Variants in USP54 observed in about 807,000 individuals in gnomAD.
The protein encoded by USP54 is ubiquitin carboxyl-terminal hydrolase 54.
Under a neutral mutation model 170.5 loss-of-function variants are expected in USP54, and 87 were observed. That is an observed-to-expected ratio of 0.51 (90% CI 0.43 to 0.61). USP54 has a LOEUF of 0.61. Ranked by LOEUF, USP54 falls within the 20% of genes least tolerant of loss-of-function variation. The pLI is 0.00. For synonymous variants in USP54, 655 were observed against 742.8 expected (o/e 0.88, Z 1.92); for missense variants, 1,786 against 2,047.8 (o/e 0.87, Z 2.47).
At chr10:73,539,315 T>C (rs1564750827) in intron 10 of USP54, 129 bp downstream of exon 10, 1 of 315,818 alleles carries the variant, frequency 3.2e-6, no homozygotes, top group Non-Finnish European at 4.7e-6. Flanking sequence ...AAAATATATA[T>C]ATATATATGT....
Position 73,516,638 on chromosome 10 carries a change from C to T in USP54, c.3788G>A (p.Trp1263Ter), listed in dbSNP as rs1380162613. 8.1e-6 allele frequency: 13 copies of T among 1,614,082 alleles called. No homozygotes were observed. Among genetic ancestry groups the T allele is most frequent in the Non-Finnish European group, 1.0e-5 (12 of 1,180,048 alleles). Residue 1263 changes from tryptophan to a stop codon, truncating the protein, a stop_gained, in exon 20 of 24, where the codon TGG becomes TAG. Coordinates refer to ENST00000687698, the MANE Select transcript of USP54 (RefSeq NM_001391956.1). LOFTEE classifies it high-confidence loss of function. ...ATCACAGAACCTTGTGATATTCACC[C>T]AGGAATCCAAAGGCAAGGAAGTCCC... ...DLGTSLPLDS[W>*]VNITRFCDSQ... is the part of the protein sequence containing the mutation.
chr10:73,624,173 TATATATA>T (rs1564974620), intron 1 of USP54, among the ~76,000 whole-genome samples: 2 of 112,682 alleles, frequency 1.8e-5, no homozygotes, highest in Non-Finnish European at 3.9e-5. Context: ...TATATATATA[TATATATA>T]TATATATATA....
intron 20 of USP54, among the ~76,000 whole-genome samples, chr10:73,512,483 T>C (rs185213328): frequency 6.6e-6 from 1 of 152,154 alleles, no homozygotes; most frequent in East Asian, 1.9e-4. Flanking sequence ...CCAAGGACTC[T>C]AACAAAAATA....
chr10:73,586,604 A>G (rs181524977), intron 1 of USP54, among the ~76,000 whole-genome samples: 3 of 152,356 alleles, frequency 2.0e-5, no homozygotes, highest in African/African-American at 7.2e-5. Context: ...ACCAATTCTA[A>G]CATCCTGATA....
chr10:73,602,436 C>G (rs949065081), intron 1 of USP54, among the ~76,000 whole-genome samples: 1 of 151,904 alleles, frequency 6.6e-6, no homozygotes, highest in African/African-American at 2.4e-5. Context: ...ATCTGTAGTC[C>G]CAGCTACTCA....
intron 1 of USP54, among the ~76,000 whole-genome samples, chr10:73,618,916 A>G (rs2080867559): frequency 6.7e-6 from 1 of 149,680 alleles, no homozygotes. Context: ...ATCTCAAAAA[A>G]AATTTTTTTG....
At chr10:73,618,643 T>C (rs1212536753) in intron 1 of USP54, among the ~76,000 whole-genome samples, 1 of 146,504 alleles carries the variant, frequency 6.8e-6, no homozygotes, top group African/African-American at 2.7e-5. Context: ...CTTGGGAGGC[T>C]GAGGAAGGAG....
At chr10:73,565,765 T>G (rs1011679815) in intron 4 of USP54, among the ~76,000 whole-genome samples, 1 of 152,168 alleles carries the variant, frequency 6.6e-6, no homozygotes, top group Non-Finnish European at 1.5e-5. Flanking sequence ...TGGGCATGTG[T>G]ACAAAAGAAA....
chr10:73,523,784 T>G, intron 16 of USP54, 34 bp from the exon 17 acceptor site: 1 of 1,579,808 alleles, frequency 6.3e-7, no homozygotes, highest in African/African-American at 1.3e-5. Context: ...TCACCACATT[T>G]CCATTACCAA....
At chr10:73,583,388 C>T (rs138331866) in intron 1 of USP54, among the ~76,000 whole-genome samples, 3,502 of 152,278 alleles carry the variant, frequency 0.023, 136 homozygotes, top group African/African-American at 0.079. Flanking sequence ...TGGGTTCAAG[C>T]AATCCTCCTG....
At position 73,575,574 on chromosome 10, in the gene USP54, GGGC is replaced by G; in HGVS notation, c.82_84del (p.Ala28del). On this transcript the variant is annotated inframe_deletion, in exon 3 of 24. Coordinates refer to ENST00000687698, the MANE Select transcript of USP54 (RefSeq NM_001391956.1). ...GGCTCATTGCTGAGGCCTTTGCTGGGGGCTATGGAGGTTGAGCTTCGAGGTGCA... is the reference window on the plus strand; with the variant it reads ...GGCTCATTGCTGAGGCCTTTGCTGGGTATGGAGGTTGAGCTTCGAGGTGCA... 1.2e-6 allele frequency: 2 copies of G among 1,613,910 alleles called. No homozygotes were observed. The highest frequency in any genetic ancestry group is 1.3e-5 in the African/African-American group (1 of 74,992).
At chr10:73,512,652 C>T (rs1432908519) in intron 20 of USP54, among the ~76,000 whole-genome samples, 1 of 152,022 alleles carries the variant, frequency 6.6e-6, no homozygotes. Flanking sequence ...TCCCAAGTAG[C>T]TGGGGTTACA....
intron 4 of USP54, chr10:73,553,416 G>A (rs2070116441): frequency 1.3e-5 from 2 of 152,260 alleles, no homozygotes; most frequent in South Asian, 4.1e-4. Flanking sequence ...GGAAGAAGCT[G>A]TAGCACAAAG....
chr10:73,602,371 T>C (rs1195115687), intron 1 of USP54, among the ~76,000 whole-genome samples: 1 of 150,782 alleles, frequency 6.6e-6, no homozygotes, highest in African/African-American at 2.5e-5. Context: ...GCTAACACTG[T>C]GAAACCCCAT....
chr10:73,516,374 C>T lies in USP54; in HGVS notation c.4051+1G>A. On this transcript the variant is annotated splice_donor_variant, in intron 20 of 23. Coordinates refer to ENST00000687698, the MANE Select transcript of USP54 (RefSeq NM_001391956.1). LOFTEE classifies it high-confidence loss of function. ...CCCCCAACCCCTGGTTGCATTCTTA[C>T]CTGTTTGGCTAAGTGGGTGCCAGGC... 1 of 1,603,544 alleles carries T rather than the reference C, an allele frequency of 6.2e-7. No individual in the cohort carries two copies. Among genetic ancestry groups the T allele is most frequent in the South Asian group, 1.1e-5 (1 of 89,470 alleles).
intron 1 of USP54, among the ~76,000 whole-genome samples, chr10:73,623,014 C>G (rs1229938668): frequency 6.6e-6 from 1 of 151,302 alleles, no homozygotes; most frequent in East Asian, 1.9e-4. Context: ...ATTCTTTTAT[C>G]TCTTCTGAGA....
intron 1 of USP54, among the ~76,000 whole-genome samples, chr10:73,608,283 A>G (rs528792180): frequency 1.3e-5 from 2 of 152,058 alleles, no homozygotes; most frequent in African/African-American, 4.8e-5. Context: ...ACAAAAAAAA[A>G]CAGTTATTCA....
intron 20 of USP54, among the ~76,000 whole-genome samples, chr10:73,512,805 GA>G (rs2133249058): frequency 6.6e-6 from 1 of 152,176 alleles, no homozygotes. Flanking sequence ...ACTGTTTTCA[GA>G]AGTATAGTCT....
chr10:73,557,026 C>T (rs1224785470), intron 4 of USP54, among the ~76,000 whole-genome samples: 3 of 152,194 alleles, frequency 2.0e-5, no homozygotes, highest in Non-Finnish European at 4.4e-5. Flanking sequence ...CTCTGTCCTA[C>T]ATCCTGGCAC....
Sources: allele counts gnomAD v4.1 joint callset (sites outside exome capture counted in the v4.1 genomes callset), GRCh38; gene constraint gnomAD v4.1.1; transcripts MANE v1.5; gene names NCBI Gene and HGNC (gene_info 2026-07-23, HGNC 2026-07-21).